Variants in MAGT1 observed in about 807,000 individuals in gnomAD.
The protein encoded by MAGT1 is magnesium transporter 1.
MAGT1 carries 4 observed loss-of-function variants against 28.4 expected under a neutral mutation model. The ratio of observed to expected loss-of-function variants is 0.14; its 90% CI spans 0.07 to 0.32. MAGT1 has a LOEUF of 0.32. MAGT1 is among the 10% of genes least tolerant of loss of function. The pLI, the probability that MAGT1 is intolerant of heterozygous loss-of-function variation, is 1.00. For synonymous variants in MAGT1, 89 were observed against 89.7 expected, an observed-to-expected ratio of 0.99 and a Z score of 0.04; for missense variants, 193 against 264.5, an observed-to-expected ratio of 0.73 and a Z score of 1.88.
At chrX:77,834,481 ACAC>A (rs1349364632) in intron 8 of MAGT1, among the ~76,000 whole-genome samples, 1 of 106,769 alleles carries the variant, frequency 9.4e-6, no homozygotes, top group Admixed American at 1.0e-4. Flanking sequence ...CTACAGGCAC[ACAC>A]CACCACACCT....
chrX:77,893,091 G>A (rs1332725790), intron 1 of MAGT1, among the ~76,000 whole-genome samples: 8 of 111,768 alleles, frequency 7.2e-5, no homozygotes, highest in African/African-American at 2.3e-4. Context: ...AGTAGAGGCT[G>A]CAGTGAGTCA....
intron 1 of MAGT1, among the ~76,000 whole-genome samples, chrX:77,889,473 G>T (rs1363169287): frequency 9.4e-6 from 1 of 106,010 alleles, no homozygotes; most frequent in African/African-American, 3.4e-5. Flanking sequence ...CCGGGTTCAC[G>T]CCATTCTCCT....
At chrX:77,831,048 C>T (rs112476797) in intron 8 of MAGT1, among the ~76,000 whole-genome samples, 153 bp from the exon 9 acceptor site, 24 of 106,007 alleles carry the variant, frequency 2.3e-4, no homozygotes, top group African/African-American at 8.4e-4. Context: ...GACGGAGTCT[C>T]GCTCTTTCGC....
chrX:77,859,032 A>G (rs1489400473), intron 3 of MAGT1, among the ~76,000 whole-genome samples: 1 of 110,641 alleles, frequency 9.0e-6, no homozygotes, highest in African/African-American at 3.3e-5. Context: ...ACACAGTGAA[A>G]CCCTGTCTCT....
chrX:77,845,861 C>T (rs1236773784), intron 7 of MAGT1, among the ~76,000 whole-genome samples: 1 of 111,365 alleles, frequency 9.0e-6, no homozygotes, highest in African/African-American at 3.3e-5. Flanking sequence ...TCTCTGGCTG[C>T]CCTTAACATT....
chrX:77,879,453 A>G (rs2077044919), intron 1 of MAGT1, among the ~76,000 whole-genome samples: 1 of 112,107 alleles, frequency 8.9e-6, no homozygotes, highest in Non-Finnish European at 1.9e-5. Context: ...CTAATTTATG[A>G]TTTTGCTCAT....
chrX:77,870,251 GA>G (rs1189786401), intron 3 of MAGT1, among the ~76,000 whole-genome samples: 4 of 110,167 alleles, frequency 3.6e-5, no homozygotes, highest in Admixed American at 2.9e-4. Context: ...AACTTTGGGG[GA>G]AAAAGGGTCA....
At chrX:77,855,989 T>C (rs1478580169) in intron 5 of MAGT1, among the ~76,000 whole-genome samples, 1 of 110,466 alleles carries the variant, frequency 9.1e-6, no homozygotes, top group Non-Finnish European at 1.9e-5. Context: ...AGGTTGATCT[T>C]GGTCTCTTGA....
chrX:77,846,359 T>G (rs781807854), intron 7 of MAGT1, among the ~76,000 whole-genome samples: 11 of 111,699 alleles, frequency 9.8e-5, no homozygotes, highest in Non-Finnish European at 1.9e-4. Flanking sequence ...GGTTTTTAAC[T>G]TCTTTGCCAT....
At chrX:77,878,289 C>CAAAAAAAA (rs1205547369) in intron 1 of MAGT1, among the ~76,000 whole-genome samples, 3 of 15,066 alleles carry the variant, frequency 2.0e-4, no homozygotes, top group Non-Finnish European at 3.4e-4. Flanking sequence ...AACTCTGATG[C>CAAAAAAAA]AAAAAAAAAA....
In MAGT1 at chrX:77,846,042, C is replaced by T. The variant is rs919782873; in HGVS notation, c.827-4722G>A. The stretch of plus-strand genomic sequence containing the variant: ...TCCTGCAGTGTTTTCCAACTTGGTT[C>T]CATTCTCTTTGTCACTTTCAGGTAC... On this transcript the variant is annotated intron_variant, in intron 7 of 9. Transcript: ENST00000618282. Among the ~76,000 whole-genome samples the T allele has an allele frequency of 3.0e-4, 34 of 111,924 alleles. 1 individual carries two copies. The highest frequency in any genetic ancestry group is 1.1e-3 in the African/African-American group (33 of 30,814).
At chrX:77,849,140 G>A (rs782165942) in intron 7 of MAGT1, among the ~76,000 whole-genome samples, 4 of 107,665 alleles carry the variant, frequency 3.7e-5, no homozygotes, top group Admixed American at 2.0e-4. Flanking sequence ...ACAGTGGTGT[G>A]ATCTCAGCTC....
chrX:77,874,595 CAA>C (rs35731315), intron 2 of MAGT1, among the ~76,000 whole-genome samples: 20 of 57,000 alleles, frequency 3.5e-4, no homozygotes, highest in Non-Finnish European at 2.7e-4. Context: ...GACTTTGTTT[CAA>C]AAAAAAAAAA....
chrX:77,876,132 T>TTATATATATATATATATATATA (rs1222026237), intron 1 of MAGT1, among the ~76,000 whole-genome samples: 1 of 34,077 alleles, frequency 2.9e-5, no homozygotes, highest in African/African-American at 1.6e-4. Context: ...CACCTGGCCT[T>TTATATATATATATATATATATA]TATATATATA....
At chrX:77,832,026 C>T in intron 8 of MAGT1, among the ~76,000 whole-genome samples, 1 of 111,787 alleles carries the variant, frequency 8.9e-6, no homozygotes, top group South Asian at 3.7e-4. Context: ...AACTACACAG[C>T]CTTATATATG....
intron 3 of MAGT1, among the ~76,000 whole-genome samples, chrX:77,870,307 C>T (rs1249609492): frequency 9.1e-6 from 1 of 110,418 alleles, no homozygotes; most frequent in Admixed American, 9.8e-5. Context: ...GTACAGTGTA[C>T]GCTGCTCAGG....
intron 7 of MAGT1, among the ~76,000 whole-genome samples, chrX:77,841,947 C>T (rs2076936214): frequency 9.5e-6 from 1 of 105,210 alleles, no homozygotes; most frequent in Non-Finnish European, 1.9e-5. Context: ...GCCTCGGCCT[C>T]CCAAAGTGCT....
At chrX:77,882,326 G>C (rs1385528517) in intron 1 of MAGT1, among the ~76,000 whole-genome samples, 1 of 111,327 alleles carries the variant, frequency 9.0e-6, no homozygotes, top group African/African-American at 3.3e-5. Context: ...AGAAAGAAAG[G>C]GTATTCAATT....
chrX:77,888,190 C>A (rs933515999), intron 1 of MAGT1, among the ~76,000 whole-genome samples: 7 of 111,931 alleles, frequency 6.3e-5, no homozygotes, highest in African/African-American at 2.3e-4. Context: ...TTTTATAAAA[C>A]AAATTACAGG....
Sources: gnomAD v4.1 joint callset for allele counts (sites outside exome capture counted in the v4.1 genomes callset) on GRCh38, gnomAD v4.1.1 for gene constraint, MANE v1.5 for transcripts, NCBI Gene and HGNC (gene_info 2026-07-23, HGNC 2026-07-21) for gene names.